FGF13: variants seen among roughly 807,000 people sequenced by gnomAD.
FGF13 encodes fibroblast growth factor homologous factor 2.
Under a neutral mutation model 19.5 loss-of-function variants are expected in FGF13, and 2 were observed. The observed-to-expected ratio is 0.10, with a 90% CI of 0.04 to 0.32. FGF13 has a LOEUF of 0.32. Ranked by LOEUF, FGF13 falls within the 10% of genes least tolerant of loss-of-function variation. The pLI is 1.00. For missense variants in FGF13, 113 were observed against 192.7 expected, an observed-to-expected ratio of 0.59 and a Z score of 2.45; for synonymous variants, 72 against 76.9, an observed-to-expected ratio of 0.94 and a Z score of 0.33.
intron 1 of FGF13, among the ~76,000 whole-genome samples, chrX:139,114,125 G>A (rs372729585): frequency 9.0e-6 from 1 of 111,692 alleles, no homozygotes; most frequent in Non-Finnish European, 1.9e-5. Context: ...AAAGGGAATG[G>A]GAAAATTCAA....
chrX:138,918,631 A>C (rs1206632190), intron 1 of FGF13, among the ~76,000 whole-genome samples: 1 of 111,740 alleles, frequency 8.9e-6, no homozygotes, highest in Non-Finnish European at 1.9e-5. Flanking sequence ...AACAAGTCAC[A>C]GTCTCTTCTC....
chrX:138,855,962 CTGTG>C (rs35763167), downstream of FGF13, among the ~76,000 whole-genome samples: 19,374 of 101,143 alleles, frequency 0.19, 1,417 homozygotes, highest in East Asian at 0.4. Flanking sequence ...AGTACAAAAA[CTGTG>C]TGTGTGTGTG....
chrX:138,673,678 A>C (rs762590095), intron 3 of FGF13, among the ~76,000 whole-genome samples: 1 of 111,692 alleles, frequency 9.0e-6, no homozygotes, highest in Non-Finnish European at 1.9e-5. Context: ...GGGATAAATA[A>C]CAGTAATGAT....
chrX:139,194,003 T>C (rs1332634332), intron 1 of FGF13, among the ~76,000 whole-genome samples: 2 of 112,074 alleles, frequency 1.8e-5, no homozygotes, highest in Non-Finnish European at 1.9e-5. Context: ...ATATGTACTT[T>C]TACAAAATAC....
intron 1 of FGF13, among the ~76,000 whole-genome samples, chrX:139,142,283 C>T (rs1013211369): frequency 6.3e-5 from 7 of 111,509 alleles, no homozygotes; most frequent in Middle Eastern, 4.2e-3. Context: ...GAAAATGGCA[C>T]AGATAATTGG....
chrX:138,978,683 A>G (rs2091951100), intron 1 of FGF13, among the ~76,000 whole-genome samples: 1 of 112,180 alleles, frequency 8.9e-6, no homozygotes, highest in Admixed American at 9.4e-5. Flanking sequence ...AGATTTATAT[A>G]ATATATTCAA....
chrX:138,905,841 C>G (rs17001833), intron 1 of FGF13, among the ~76,000 whole-genome samples: 3,478 of 111,447 alleles, frequency 0.031, 138 homozygotes, highest in African/African-American at 0.11. Flanking sequence ...AACCACCATT[C>G]TCTATCTGAT....
At chrX:139,105,067 A>G (rs1284477302) in intron 1 of FGF13, among the ~76,000 whole-genome samples, 2 of 110,198 alleles carry the variant, frequency 1.8e-5, no homozygotes, top group African/African-American at 3.3e-5. Context: ...TACCAAGACC[A>G]TTGCTAATAC....
intron 1 of FGF13, among the ~76,000 whole-genome samples, chrX:139,185,109 A>G (rs2084272556): frequency 8.9e-6 from 1 of 112,409 alleles, no homozygotes; most frequent in African/African-American, 3.2e-5. Flanking sequence ...TCGTTTAGCT[A>G]TCCATGGGAA....
At chrX:139,076,786 A>T (rs1704747498) in intron 1 of FGF13, among the ~76,000 whole-genome samples, 1 of 111,936 alleles carries the variant, frequency 8.9e-6, no homozygotes, top group South Asian at 3.7e-4. Flanking sequence ...TCAGTGCCTT[A>T]CCTTATGATT....
intron 1 of FGF13, among the ~76,000 whole-genome samples, chrX:139,196,062 AAAG>A (rs1198883908): frequency 5.4e-5 from 6 of 111,855 alleles, no homozygotes; most frequent in Middle Eastern, 4.2e-3. Flanking sequence ...GGAGGGAGGG[AAAG>A]AAGGAGAGTC....
intron 1 of FGF13, among the ~76,000 whole-genome samples, chrX:138,922,006 C>T (rs1468873564): frequency 3.2e-5 from 3 of 92,367 alleles, no homozygotes; most frequent in African/African-American, 1.1e-4. Context: ...ACAACAACAA[C>T]AAAAAAAACG....
intron 1 of FGF13, among the ~76,000 whole-genome samples, chrX:139,140,339 T>C (rs1049358031): frequency 9.0e-6 from 1 of 111,211 alleles, no homozygotes; most frequent in African/African-American, 3.3e-5. Context: ...CATCCTTGAC[T>C]CCTCCCTCAC....
chrX:139,183,321 C>T (rs1012471606), intron 1 of FGF13, among the ~76,000 whole-genome samples: 5 of 112,242 alleles, frequency 4.5e-5, no homozygotes, highest in African/African-American at 1.6e-4. Context: ...CCACCTTATC[C>T]ACCTAGAAGT....
At chrX:138,962,167 A>G (rs1490355585) in intron 1 of FGF13, among the ~76,000 whole-genome samples, 2 of 112,342 alleles carry the variant, frequency 1.8e-5, no homozygotes, top group Non-Finnish European at 3.7e-5. Flanking sequence ...AAACAACCCC[A>G]TCAAAAAGTG....
intron 3 of FGF13, among the ~76,000 whole-genome samples, chrX:138,788,237 A>C (rs2090709651): frequency 8.9e-6 from 1 of 112,471 alleles, no homozygotes; most frequent in Non-Finnish European, 1.9e-5. Flanking sequence ...GAAAGAAAGA[A>C]GGGGTGACCA....
chrX:138,879,888 C>T (rs28792145), intron 1 of FGF13, among the ~76,000 whole-genome samples: 4,775 of 111,879 alleles, frequency 0.043, 275 homozygotes, highest in African/African-American at 0.14. Flanking sequence ...TCAGAGTGAA[C>T]AGGCAACCTA....
intron 3 of FGF13, among the ~76,000 whole-genome samples, chrX:138,834,878 A>G (rs1039151743): frequency 1.4e-4 from 16 of 111,702 alleles, no homozygotes; most frequent in African/African-American, 4.2e-4. Flanking sequence ...ATTAGTTTCA[A>G]TGAACTTCTT....
chrX:138,630,872 C>T lies in FGF13; in HGVS notation c.*1978G>A, dbSNP rs2089108633. ...TAGCAAACATCATAGCTTAGCCTAG[C>T]CTACTTTAAATGTGCTTAGAACGCT... is the stretch of plus-strand genomic sequence containing the variant. On this transcript the variant is annotated 3_prime_UTR_variant, in exon 5 of 5. Transcript: ENST00000315930. 8.9e-6 allele frequency: 1 copy of T among 112,138 alleles called. No individual in the cohort carries two copies. Among genetic ancestry groups the T allele is most frequent in the Non-Finnish European group, 1.9e-5 (1 of 53,274 alleles). The allele number at this position is 112,138 out of a possible 1,213,427, so 9.2% of individuals were successfully genotyped here.
Sources: gnomAD v4.1 joint callset for allele counts (sites outside exome capture counted in the v4.1 genomes callset) on GRCh38, gnomAD v4.1.1 for gene constraint, MANE v1.5 for transcripts, NCBI Gene and HGNC (gene_info 2026-07-23, HGNC 2026-07-21) for gene names.